The following GABRG1 variants were observed in gnomAD, a reference collection of about 807,000 sequenced individuals.
GABRG1 encodes the protein gamma-aminobutyric acid type A receptor subunit gamma1, also known as gamma-aminobutyric acid receptor subunit gamma-1.
In GABRG1, 49 loss-of-function variants were observed where a neutral mutation model predicts 49.8. The observed-to-expected ratio is 0.98, with a 90% CI of 0.78 to 1.25. GABRG1 has a LOEUF of 1.25. GABRG1 is among the 50% of genes most tolerant of loss of function. The pLI is 0.00. For missense variants in GABRG1, 552 were observed against 552.3 expected, an observed-to-expected ratio of 1.00 and a Z score of 0.01; for synonymous variants, 232 against 185.1, an observed-to-expected ratio of 1.25 and a Z score of -2.06.
intron 1 of GABRG1, among the ~76,000 whole-genome samples, chr4:46,115,108 A>G (rs1302153775): frequency 1.3e-5 from 2 of 150,952 alleles, no homozygotes; most frequent in East Asian, 3.9e-4. Context: ...AAAATTAAGT[A>G]GAACAATCAA....
At chr4:46,093,541 G>T (rs1235595611) in intron 2 of GABRG1, among the ~76,000 whole-genome samples, 1 of 151,904 alleles carries the variant, frequency 6.6e-6, no homozygotes, top group Non-Finnish European at 1.5e-5. Flanking sequence ...GCATAGCAGG[G>T]TGACTACAGT....
At chr4:46,063,854 C>G (rs994112300) in intron 5 of GABRG1, among the ~76,000 whole-genome samples, 1 of 152,052 alleles carries the variant, frequency 6.6e-6, no homozygotes, top group Non-Finnish European at 1.5e-5. Context: ...ACAACCCCAC[C>G]AAAAAGTGGG....
chr4:46,097,481 A>AT, intron 1 of GABRG1, 132 bp from the exon 2 acceptor site: 2 of 759,548 alleles, frequency 2.6e-6, no homozygotes, highest in Non-Finnish European at 4.0e-6. Flanking sequence ...CTAACATTAC[A>AT]TTTAGTAAGA....
intron 2 of GABRG1, among the ~76,000 whole-genome samples, chr4:46,091,118 A>G (rs1325609286): frequency 2.0e-5 from 3 of 152,064 alleles, no homozygotes; most frequent in Non-Finnish European, 2.9e-5. Flanking sequence ...AACAACAGGA[A>G]GAGAGTTGAG....
chr4:46,082,079 C>T (rs770368399), intron 3 of GABRG1, among the ~76,000 whole-genome samples: 9 of 151,738 alleles, frequency 5.9e-5, no homozygotes, highest in Non-Finnish European at 1.3e-4. Context: ...TGAATGCATT[C>T]CATGGGATCC....
rs115787893 is a variant in GABRG1, at chr4:46,042,604, T to C, written c.1132-1350A>G. ...TTTGAAATAGGTCAACAAAATTAAA[T>C]ATTTTATGAAAAACATTTTTACAAA... On this transcript the variant is annotated intron_variant, in intron 8 of 8. Coordinates refer to ENST00000295452, the MANE Select transcript of GABRG1 (RefSeq NM_173536.4). Among the ~76,000 whole-genome samples the C allele has an allele frequency of 7.3e-3, 1,103 of 152,132 alleles. 11 individuals are homozygous for C. The highest frequency in any genetic ancestry group is 0.026 in the African/African-American group (1,064 of 41,572).
intron 8 of GABRG1, among the ~76,000 whole-genome samples, chr4:46,045,983 A>G (rs955063818): frequency 2.0e-5 from 3 of 152,154 alleles, no homozygotes; most frequent in African/African-American, 4.8e-5. Context: ...GTACAGTAAG[A>G]ATCAGAAATA....
chr4:46,042,898 C>T (rs1717837592), intron 8 of GABRG1, among the ~76,000 whole-genome samples: 2 of 151,944 alleles, frequency 1.3e-5, no homozygotes, highest in East Asian at 3.9e-4. Flanking sequence ...AGCTATATCA[C>T]AAAAAGCAGA....
At chr4:46,072,153 T>C (rs10025924) in intron 3 of GABRG1, among the ~76,000 whole-genome samples, 86,349 of 151,918 alleles carry the variant, frequency 0.57, 25,071 homozygotes, top group African/African-American at 0.64. Context: ...CAATTACCTG[T>C]GACATTCAGT....
At chr4:46,121,911 T>A (rs888950043) in intron 1 of GABRG1, among the ~76,000 whole-genome samples, 3 of 152,096 alleles carry the variant, frequency 2.0e-5, no homozygotes, top group Admixed American at 1.3e-4. Context: ...AAGTCCATAG[T>A]ATTCACACTT....
At chr4:46,062,056 G>A (rs1258554597) in intron 5 of GABRG1, among the ~76,000 whole-genome samples, 1 of 117,278 alleles carries the variant, frequency 8.5e-6, no homozygotes, top group Non-Finnish European at 1.6e-5. Flanking sequence ...TCCCCAGAGT[G>A]TGATGTTCCC....
intron 8 of GABRG1, among the ~76,000 whole-genome samples, chr4:46,046,150 A>G (rs898016038): frequency 6.6e-6 from 1 of 152,108 alleles, no homozygotes; most frequent in African/African-American, 2.4e-5. Flanking sequence ...CTATTTGTTT[A>G]TTAGTTTCAA....
intron 1 of GABRG1, among the ~76,000 whole-genome samples, chr4:46,100,474 AG>A (rs1202789944): frequency 2.1e-5 from 2 of 94,688 alleles, no homozygotes; most frequent in African/African-American, 1.1e-4. Context: ...TTAAAATAAA[AG>A]TAAAAAAAAA....
chr4:46,072,082 T>C (rs1423999937), intron 3 of GABRG1, among the ~76,000 whole-genome samples: 2 of 152,098 alleles, frequency 1.3e-5, no homozygotes, highest in Non-Finnish European at 2.9e-5. Flanking sequence ...TTTTATACCA[T>C]ATTTTTACTG....
At chr4:46,109,116 A>G (rs1720645755) in intron 1 of GABRG1, among the ~76,000 whole-genome samples, 1 of 150,880 alleles carries the variant, frequency 6.6e-6, no homozygotes, top group Non-Finnish European at 1.5e-5. Flanking sequence ...TTGTATGCCT[A>G]GTAGAATTTG....
chr4:46,105,803 A>G (rs1158182563), intron 1 of GABRG1, among the ~76,000 whole-genome samples: 6 of 134,012 alleles, frequency 4.5e-5, no homozygotes, highest in African/African-American at 1.3e-4. Flanking sequence ...ATAGATAGAT[A>G]GATAGATAGA....
intron 3 of GABRG1, among the ~76,000 whole-genome samples, chr4:46,077,718 C>A (rs918801909): frequency 6.6e-6 from 1 of 151,588 alleles, no homozygotes; most frequent in Admixed American, 6.6e-5. Context: ...GATGACATAT[C>A]TTTTCTGATA....
At chr4:46,056,151 TAA>T (rs1182116080) in intron 7 of GABRG1, among the ~76,000 whole-genome samples, 1 of 9,144 alleles carries the variant, frequency 1.1e-4, no homozygotes, top group Non-Finnish European at 1.6e-4. Flanking sequence ...ATAAATAAAT[TAA>T]AAAAAAAAAA....
intron 3 of GABRG1, among the ~76,000 whole-genome samples, chr4:46,069,206 G>A (rs1054979355): frequency 2.0e-5 from 3 of 151,906 alleles, no homozygotes; most frequent in African/African-American, 7.3e-5. Context: ...ATTAACCTAG[G>A]TGCATAATTT....
Sources: gnomAD v4.1 joint callset for allele counts (sites outside exome capture counted in the v4.1 genomes callset) on GRCh38, gnomAD v4.1.1 for gene constraint, MANE v1.5 for transcripts, NCBI Gene and HGNC (gene_info 2026-07-23, HGNC 2026-07-21) for gene names.